The following CHST9 variants were observed in gnomAD, a reference collection of about 807,000 sequenced individuals.
The protein encoded by CHST9 is GalNAc-4-sulfotransferase 2.
In CHST9, 41 loss-of-function variants were observed where a neutral mutation model predicts 44.4. That is an observed-to-expected ratio of 0.92 (90% confidence interval 0.72 to 1.20). The LOEUF (loss-of-function observed/expected upper bound fraction) is 1.20. CHST9 is among the 50% of genes most tolerant of loss of function. The probability of loss-of-function intolerance (pLI) is 0.00; values close to 1 mark genes in which losing one functional copy is unlikely to be tolerated. For synonymous variants in CHST9, 171 were observed against 178.4 expected, an observed-to-expected ratio of 0.96 and a Z score of 0.33; for missense variants, 504 against 516.5, an observed-to-expected ratio of 0.98 and a Z score of 0.23.
rs184096816 is a variant in CHST9 at position 27,039,741 on chromosome 18, A to G, written c.160+8724T>C. Among the ~76,000 whole-genome samples the G allele has an allele frequency of 5.1e-4, 77 of 152,276 alleles. No homozygotes were observed. In the East Asian group the frequency reaches 8.5e-3, roughly 17 times the overall value. On this transcript the variant is annotated intron_variant, in intron 3 of 5. Coordinates refer to ENST00000618847, the MANE Select transcript of CHST9 (RefSeq NM_031422.6). ...ATAGCTATATTGCTCCTATTGCTGC[A>G]GAAAGATATAGTCCATTTCAAGTTA...
At chr18:26,988,832 A>C (rs1006499500) in intron 4 of CHST9, among the ~76,000 whole-genome samples, 2 of 152,182 alleles carry the variant, frequency 1.3e-5, no homozygotes, top group African/African-American at 4.8e-5. Context: ...CAAGTCATGT[A>C]ACATATGTTT....
At position 26,916,355 on chromosome 18, in the gene CHST9, C is replaced by G. The variant is rs1442072097; in HGVS notation, c.1236G>C (p.Gln412His). ...CAGTTCTAGTCAGATCCTTTAAATA[C>G]TGTCTCACGACTTGAGCATTGGTTC... is the stretch of plus-strand genomic sequence containing the variant. ...DERTNAQVVRQYLKDLTRTER... is the reference protein window; with the variant it reads ...DERTNAQVVRHYLKDLTRTER... Residue 412 changes from glutamine (Q) to histidine (H), a missense_variant, in exon 6 of 6, where the codon CAG becomes CAC. By Grantham distance (24) the Gln-to-His change is conservative (BLOSUM62 0). Coordinates refer to ENST00000618847, the MANE Select transcript of CHST9 (RefSeq NM_031422.6). 6.2e-7 allele frequency: 1 copy of G among 1,613,582 alleles called. No homozygotes were observed. The highest frequency in any genetic ancestry group is 8.5e-7 in the Non-Finnish European group (1 of 1,179,566).
chr18:27,100,155 G>T (rs893414291), intron 2 of CHST9, among the ~76,000 whole-genome samples: 2 of 151,986 alleles, frequency 1.3e-5, no homozygotes, highest in Non-Finnish European at 2.9e-5. Flanking sequence ...ATTAATGTAG[G>T]AACATAAAAC....
At chr18:26,928,033 G>A (rs1357474421) in intron 5 of CHST9, among the ~76,000 whole-genome samples, 2 of 152,266 alleles carry the variant, frequency 1.3e-5, no homozygotes, top group Middle Eastern at 3.4e-3. Context: ...GTTTAACAAA[G>A]CACATCCTGC....
At position 27,185,143 on chromosome 18, in the gene CHST9, G is replaced by T. The variant is rs1268111986; in HGVS notation, c.-104C>A. ...CAGCCCCAGCGCGGTTACCTCGCGG[G>T]CCGCTGCCGGGCGCTTGCAGGTGCT... On this transcript the variant is annotated 5_prime_UTR_variant, in exon 1 of 6. Transcript: ENST00000618847. The T allele has an allele frequency of 3.9e-5, 6 of 152,214 alleles. No homozygotes were observed. Among genetic ancestry groups the T allele is most frequent in the Admixed American group, 3.9e-4 (6 of 15,284 alleles). The allele number at this position is 152,214 out of a possible 1,614,324, so 9.4% of individuals were successfully genotyped here.
intron 3 of CHST9, among the ~76,000 whole-genome samples, chr18:27,027,087 C>G (rs1225766316): frequency 1.3e-5 from 2 of 152,118 alleles, no homozygotes; most frequent in African/African-American, 2.4e-5. Flanking sequence ...AGCACTGAGC[C>G]AGGTAGAGCT....
chr18:26,926,501 T>C lies in CHST9; in HGVS notation c.241-9151A>G, dbSNP rs1279527210. Among the ~76,000 whole-genome samples the C allele has an allele frequency of 2.0e-5, 3 of 152,212 alleles. No individual in the cohort carries two copies. The East Asian group carries it at 5.8e-4, about 29-fold the overall frequency. On this transcript the variant is annotated intron_variant, in intron 5 of 5. Transcript: ENST00000618847. ...GTAGATAAGGCTACTCCCCAAGGGGTTCAATATGCTTTTATAGATTTATCA... is the reference window on the plus strand; with the variant it reads ...GTAGATAAGGCTACTCCCCAAGGGGCTCAATATGCTTTTATAGATTTATCA...
At chr18:27,114,481 T>C (rs1331502164) in intron 2 of CHST9, among the ~76,000 whole-genome samples, 1 of 152,218 alleles carries the variant, frequency 6.6e-6, no homozygotes, top group African/African-American at 2.4e-5. Context: ...TTGCACACCA[T>C]ACAATTCATC....
At chr18:27,088,422 G>A (rs2058034242) in intron 2 of CHST9, among the ~76,000 whole-genome samples, 3 of 147,910 alleles carry the variant, frequency 2.0e-5, no homozygotes, top group African/African-American at 7.5e-5. Flanking sequence ...TTGAGATGGA[G>A]TCTCGCTCTG....
rs181697737 is a variant in CHST9, at chr18:27,124,372, G to C, written c.121+18317C>G. Among the ~76,000 whole-genome samples, 33 of 152,290 alleles carry C rather than the reference G, an allele frequency of 2.2e-4. 1 individual carries two copies. The highest frequency in any genetic ancestry group is 1.8e-3 in the Admixed American group (27 of 15,306). On this transcript the variant is annotated intron_variant, in intron 2 of 5. Coordinates refer to ENST00000618847, the MANE Select transcript of CHST9 (RefSeq NM_031422.6). ...AAGCTGCCTACCTGTTGCTGTGAAT[G>C]AACAAAGACTTATGCTATTTAAATA...
At chr18:26,932,773 C>T (rs1359997628) in intron 5 of CHST9, among the ~76,000 whole-genome samples, 1 of 152,232 alleles carries the variant, frequency 6.6e-6, no homozygotes, top group African/African-American at 2.4e-5. Context: ...GTAGCATTGT[C>T]TTCTCTGGGC....
intron 1 of CHST9, among the ~76,000 whole-genome samples, chr18:27,183,256 G>C (rs887521369): frequency 6.6e-6 from 1 of 152,154 alleles, no homozygotes; most frequent in Non-Finnish European, 1.5e-5. Flanking sequence ...AAACACAACA[G>C]TTACTGAACT....
chr18:27,119,720 C>T (rs2058358903), intron 2 of CHST9, among the ~76,000 whole-genome samples: 1 of 150,986 alleles, frequency 6.6e-6, no homozygotes, highest in Non-Finnish European at 1.5e-5. Flanking sequence ...TCTTTCACAC[C>T]TTTTTCTTTT....
intron 2 of CHST9, among the ~76,000 whole-genome samples, chr18:27,089,135 C>T (rs1039331087): frequency 8.6e-5 from 13 of 151,304 alleles, no homozygotes; most frequent in Non-Finnish European, 1.9e-4. Flanking sequence ...TTTTCTCTTT[C>T]TTTCCTTCAT....
chr18:27,064,503 C>T (rs746405027), intron 2 of CHST9, among the ~76,000 whole-genome samples: 56 of 152,190 alleles, frequency 3.7e-4, no homozygotes, highest in Non-Finnish European at 6.8e-4. Context: ...CAAGACAGTT[C>T]GAACTCCAGA....
chr18:27,129,349 T>G (rs2058452585), intron 2 of CHST9, among the ~76,000 whole-genome samples: 1 of 152,028 alleles, frequency 6.6e-6, no homozygotes, highest in Admixed American at 6.5e-5. Flanking sequence ...TTGCCTTAAT[T>G]GCTTGGTTTA....
intron 2 of CHST9, among the ~76,000 whole-genome samples, chr18:27,136,411 C>T (rs567592594): frequency 6.6e-6 from 1 of 152,240 alleles, no homozygotes; most frequent in South Asian, 2.1e-4. Flanking sequence ...CCCAGGCTGC[C>T]CACTGCCTGG....
chr18:27,085,463 C>G lies in CHST9; in HGVS notation c.122-36960G>C, dbSNP rs547014646. Among the ~76,000 whole-genome samples, 33 of 152,196 alleles carry G rather than the reference C, an allele frequency of 2.2e-4. No homozygotes were observed. The South Asian group carries it at 6.8e-3, about 32-fold the overall frequency. The stretch of plus-strand genomic sequence containing the variant: ...ACTCTGTTATAAAGTAGGCAAAAGA[C>G]ATGAACAGACACTTCTCAAAAGAAG... On this transcript the variant is annotated intron_variant, in intron 2 of 5. Coordinates refer to ENST00000618847, the MANE Select transcript of CHST9 (RefSeq NM_031422.6).
intron 5 of CHST9, chr18:26,935,391 C>T (rs1349876007): frequency 6.6e-6 from 1 of 152,050 alleles, no homozygotes; most frequent in African/African-American, 2.4e-5. Flanking sequence ...AGTAACAGAA[C>T]CAAAATTGGA....
Sources: gnomAD v4.1 joint callset for allele counts (sites outside exome capture counted in the v4.1 genomes callset) on GRCh38, gnomAD v4.1.1 for gene constraint, MANE v1.5 for transcripts, NCBI Gene and HGNC (gene_info 2026-07-23, HGNC 2026-07-21) for gene names.